ACSL1: variants seen among roughly 807,000 people sequenced by gnomAD.
The protein encoded by ACSL1 is long-chain-fatty-acid--CoA ligase 1.
ACSL1 carries 41 observed loss-of-function variants against 98.4 expected under a neutral mutation model. The ratio of observed to expected loss-of-function variants is 0.42; its 90% CI spans 0.32 to 0.54. The LOEUF (loss-of-function observed/expected upper bound fraction) is 0.54. ACSL1 is among the 20% of genes least tolerant of loss of function. The pLI is 0.13. For missense variants in ACSL1, 734 were observed against 883.1 expected, an observed-to-expected ratio of 0.83 and a Z score of 2.14; for synonymous variants, 316 against 322.7, an observed-to-expected ratio of 0.98 and a Z score of 0.22.
intron 2 of ACSL1, among the ~76,000 whole-genome samples, chr4:184,789,570 T>C (rs1287783546): frequency 6.6e-6 from 1 of 152,258 alleles, no homozygotes; most frequent in East Asian, 1.9e-4. Flanking sequence ...CAGGTCTTTA[T>C]TAGTTTTAGG....
intron 1 of ACSL1, among the ~76,000 whole-genome samples, chr4:184,815,509 A>C (rs2150490611): frequency 6.6e-6 from 1 of 152,244 alleles, no homozygotes; most frequent in East Asian, 1.9e-4. Flanking sequence ...AACTGGGAAG[A>C]GTAAGACCCA....
At chr4:184,789,210 C>G (rs1043438123) in intron 2 of ACSL1, among the ~76,000 whole-genome samples, 1 of 152,134 alleles carries the variant, frequency 6.6e-6, no homozygotes, top group Non-Finnish European at 1.5e-5. Flanking sequence ...ACGGCTAAGT[C>G]AGAAAGATGC....
chr4:184,789,520 G>A (rs551336647), intron 2 of ACSL1, among the ~76,000 whole-genome samples: 1 of 152,376 alleles, frequency 6.6e-6, no homozygotes, highest in South Asian at 2.1e-4. Context: ...ATCTCTAACA[G>A]TTAAAATCAT....
At chr4:184,768,921 T>C (rs1764052178) in intron 11 of ACSL1, among the ~76,000 whole-genome samples, 1 of 151,974 alleles carries the variant, frequency 6.6e-6, no homozygotes, top group Admixed American at 6.6e-5. Context: ...AAACAAAAAT[T>C]AGCCGGGCTT....
chr4:184,777,935 A>G (rs1765568116), intron 5 of ACSL1, among the ~76,000 whole-genome samples: 1 of 152,250 alleles, frequency 6.6e-6, no homozygotes, highest in African/African-American at 2.4e-5. Flanking sequence ...TCAGCAAAAC[A>G]GCGGCTGTGG....
At position 184,825,198 on chromosome 4, in the gene ACSL1, T is replaced by A; in HGVS notation, c.-33+718A>T. The A allele has an allele frequency of 1.0e-6, 1 of 985,372 alleles. No homozygotes were observed. Among genetic ancestry groups the A allele is most frequent in the Non-Finnish European group, 1.2e-6 (1 of 829,912 alleles). 61.0% of individuals were successfully genotyped at this position (985,372 alleles called of 1,614,324 possible). ...GGGAACGCCTGTCCCCAGACTCGAA[T>A]CCACGTGTCCATTCAAGTCATCTAC... On this transcript the variant is annotated intron_variant, in intron 1 of 20. Transcript: ENST00000281455. The surrounding 1 kb of genome is among the most constrained non-coding windows in gnomAD (Gnocchi z 4.7).
chr4:184,820,546 A>C (rs1169942445), intron 1 of ACSL1, among the ~76,000 whole-genome samples: 1 of 152,150 alleles, frequency 6.6e-6, no homozygotes, highest in East Asian at 1.9e-4. Context: ...GAGCAGTGAC[A>C]CCGAAGGAGA....
rs1270814605 is a variant in ACSL1 at position 184,757,015 on chromosome 4, G to C, written c.*110C>G. On this transcript the variant is annotated 3_prime_UTR_variant, in exon 21 of 21. Transcript: ENST00000281455. The surrounding 1 kb of genome is among the most constrained non-coding windows in gnomAD (Gnocchi z 4.5). Reference sequence around the variant, plus strand: ...AACCCCGAATGGACAAGTCAAACACGAACGCTTCCTTCCCTACACTTGCTG... The same window carrying C: ...AACCCCGAATGGACAAGTCAAACACCAACGCTTCCTTCCCTACACTTGCTG... 4.5e-6 allele frequency: 6 copies of C among 1,340,484 alleles called. No homozygotes were observed. Among genetic ancestry groups the C allele is most frequent in the Non-Finnish European group, 6.0e-6 (6 of 998,434 alleles). 83.0% of individuals were successfully genotyped at this position (1,340,484 alleles called of 1,614,324 possible).
intron 1 of ACSL1, among the ~76,000 whole-genome samples, chr4:184,817,342 C>T (rs967574979): frequency 2.2e-4 from 34 of 152,218 alleles, no homozygotes; most frequent in African/African-American, 7.9e-4. Context: ...ATCTATAAAC[C>T]ATATACAAGT....
intron 7 of ACSL1, among the ~76,000 whole-genome samples, chr4:184,774,792 C>T (rs1298170572): frequency 1.1e-5 from 1 of 90,164 alleles, no homozygotes; most frequent in Non-Finnish European, 2.5e-5. Flanking sequence ...GCCCAGCATA[C>T]ATTAAGTTTT....
chr4:184,795,475 T>C (rs1769195609), intron 2 of ACSL1, among the ~76,000 whole-genome samples: 1 of 152,216 alleles, frequency 6.6e-6, no homozygotes, highest in African/African-American at 2.4e-5. Flanking sequence ...ACCTTTAGCT[T>C]TTTCTTCCTG....
At chr4:184,778,173 C>T (rs1203360824) in intron 5 of ACSL1, among the ~76,000 whole-genome samples, 1 of 152,198 alleles carries the variant, frequency 6.6e-6, no homozygotes, top group African/African-American at 2.4e-5. Context: ...TGAAAGATCA[C>T]TCTTTCACTA....
intron 4 of ACSL1, among the ~76,000 whole-genome samples, chr4:184,781,070 A>C (rs893712864): frequency 6.6e-6 from 1 of 152,004 alleles, no homozygotes; most frequent in Non-Finnish European, 1.5e-5. Context: ...CCCCGTCTCT[A>C]CTGAAAATAA....
chr4:184,766,851 A>C lies in ACSL1; in HGVS notation c.1129-95T>G, dbSNP rs1320764868. The C allele has an allele frequency of 5.1e-6, 7 of 1,384,088 alleles. No homozygotes were observed. The highest frequency in any genetic ancestry group is 6.8e-6 in the Non-Finnish European group (7 of 1,022,558). 85.7% of individuals were successfully genotyped at this position (1,384,088 alleles called of 1,614,324 possible). ...TCAGAACCCTCACACACAGCTGGGGAACACAAAATGGCACAGCTGCTCTGA... is the reference window on the plus strand; with the variant it reads ...TCAGAACCCTCACACACAGCTGGGGCACACAAAATGGCACAGCTGCTCTGA... On this transcript the variant is annotated intron_variant, in intron 12 of 20. Coordinates refer to ENST00000281455, the MANE Select transcript of ACSL1 (RefSeq NM_001995.5). This position sits in a 1 kb window ranked among gnomAD's most constrained non-coding sequence, Gnocchi z 4.8.
Position 184,762,404 on chromosome 4 carries a change from T to TA in ACSL1, c.1638+2dup, listed in dbSNP as rs1259665211. 6.2e-7 allele frequency: 1 copy of TA among 1,612,958 alleles called. No individual in the cohort carries two copies. Among genetic ancestry groups the TA allele is most frequent in the Non-Finnish European group, 8.5e-7 (1 of 1,178,984 alleles). On this transcript the variant is annotated splice_region_variant and intron_variant, in intron 17 of 20. Transcript: ENST00000281455. Reference sequence around the variant, plus strand: ...TTTGTGACCTGAGGAGGCGGCAACTTACTGGTAACCATTTTCCAATGTCCC... The same window carrying TA: ...TTTGTGACCTGAGGAGGCGGCAACTTAACTGGTAACCATTTTCCAATGTCCC...
At chr4:184,784,460 A>G (rs144418754) in intron 3 of ACSL1, among the ~76,000 whole-genome samples, 1 of 152,332 alleles carries the variant, frequency 6.6e-6, no homozygotes, top group African/African-American at 2.4e-5. Context: ...TTGATGACCA[A>G]AGGTATCAAG....
intron 1 of ACSL1, among the ~76,000 whole-genome samples, chr4:184,821,959 A>T (rs952462133): frequency 6.6e-6 from 1 of 152,204 alleles, no homozygotes; most frequent in East Asian, 1.9e-4. Context: ...CATTTTTCCT[A>T]TTTCCCAAAT....
chr4:184,785,616 GGGGGGA>G lies in ACSL1; in HGVS notation c.311-1631_311-1626del, dbSNP rs199837442. 3.3e-3 allele frequency among the ~76,000 whole-genome samples: 103 copies of G among 31,022 alleles called. 3 individuals carry two copies. The highest frequency in any genetic ancestry group is 0.029 in the Middle Eastern group (2 of 68). The allele number at this position is 31,022 out of a possible 152,430, so 20.4% of individuals were successfully genotyped here. On this transcript the variant is annotated intron_variant, in intron 3 of 20. Transcript: ENST00000281455. ...CCTCCTGGGCGGGGGCGGGGGGGGGGGGGGGAAGGAAGCAAATCGAGACCTGCAAAG... is the reference window on the plus strand; with the variant it reads ...CCTCCTGGGCGGGGGCGGGGGGGGGGAGGAAGCAAATCGAGACCTGCAAAG...
chr4:184,770,447 A>G lies in ACSL1; in HGVS notation c.945T>C (p.Thr315=), dbSNP rs774471074. 31 of 1,611,782 alleles carry G rather than the reference A, an allele frequency of 1.9e-5. No homozygotes were observed. The South Asian group carries it at 3.1e-4, about 16-fold the overall frequency. Reference sequence around the variant, plus strand: ...GGGCGAGAGGCAAGAAAGATATCAAAGTATCATCTGGGCAAGGATTGACTG... The same window carrying G: ...GGGCGAGAGGCAAGAAAGATATCAAGGTATCATCTGGGCAAGGATTGACTG... ...ENTVNPCPDD[T]LISFLPLAHM... is the part of the protein sequence containing the mutation. The change falls in exon 11 of 21, where the codon ACT becomes ACC. Residue 315 remains threonine, a synonymous_variant. Transcript: ENST00000281455.
Sources: allele counts gnomAD v4.1 joint callset (sites outside exome capture counted in the v4.1 genomes callset), GRCh38; gene constraint gnomAD v4.1.1; non-coding constraint Gnocchi (gnomAD v3.1); transcripts MANE v1.5; gene names NCBI Gene and HGNC (gene_info 2026-07-23, HGNC 2026-07-21).